Variants in DRAM1 observed in about 807,000 individuals in gnomAD.
DRAM1 encodes DNA damage-regulated autophagy modulator protein 1.
In DRAM1, 25 loss-of-function variants were observed where a neutral mutation model predicts 28.5. The observed-to-expected ratio is 0.88, with a 90% CI of 0.64 to 1.23. The LOEUF is 1.23. Among genes scored for constraint, DRAM1 ranks in the 50% most tolerant of loss-of-function variants. DRAM1 has a pLI of 0.00. For synonymous variants in DRAM1, 113 were observed against 114.2 expected, an observed-to-expected ratio of 0.99 and a Z score of 0.07; for missense variants, 249 against 299.2, an observed-to-expected ratio of 0.83 and a Z score of 1.24.
intron 1 of DRAM1, among the ~76,000 whole-genome samples, chr12:101,884,866 A>C (rs1343418255): frequency 6.6e-6 from 1 of 152,268 alleles, no homozygotes; most frequent in Non-Finnish European, 1.5e-5. Flanking sequence ...TTTATGTAAC[A>C]ATCACAAATT....
chr12:101,908,257 C>G lies in DRAM1; in HGVS notation c.414C>G (p.Leu138=). 1.9e-6 allele frequency: 3 copies of G among 1,614,136 alleles called. No individual in the cohort carries two copies. Among genetic ancestry groups the G allele is most frequent in the Non-Finnish European group, 2.5e-6 (3 of 1,180,018 alleles). The part of the protein sequence containing the change: ...LAFVCGVVYT[L]LQSIISYKSC... ...TTGTCTGTGGTGTCGTGTACACGCT[C>G]CTACAGTCCATCATCTCTTACAAAT... The change falls in exon 4 of 7, where the codon CTC becomes CTG. Residue 138 remains leucine, a synonymous_variant. Transcript: ENST00000258534.
chr12:101,892,656 C>T (rs1482346578), intron 1 of DRAM1, among the ~76,000 whole-genome samples: 3 of 152,108 alleles, frequency 2.0e-5, no homozygotes, highest in Non-Finnish European at 2.9e-5. Context: ...TTTTCATGAA[C>T]TATTCTTGAG....
chr12:101,877,869 AC>A lies in DRAM1; in HGVS notation c.81del (p.Tyr27Ter). ...TWSSAAFIISYVVAVLSGHVN... is the reference protein window; with the variant it reads ...TWSSAAFIISXVVAVLSGHVN... The stretch of plus-strand genomic sequence containing the variant: ...TCGTCAGCCGCCTTCATTATCTCCT[AC>A]GTGGTCGCCGTGCTCTCCGGGCACG... On this transcript the variant is annotated frameshift_variant, in exon 1 of 7. Transcript: ENST00000258534. LOFTEE classifies it high-confidence loss of function. This position sits in a 1 kb window ranked among gnomAD's most constrained non-coding sequence, Gnocchi z 4.1. 1 of 1,545,194 alleles carries A rather than the reference AC, an allele frequency of 6.5e-7. No individual in the cohort carries two copies. The highest frequency in any genetic ancestry group is 8.7e-7 in the Non-Finnish European group (1 of 1,143,586).
At chr12:101,880,450 C>A (rs1048459656) in intron 1 of DRAM1, among the ~76,000 whole-genome samples, 4 of 151,948 alleles carry the variant, frequency 2.6e-5, no homozygotes, top group African/African-American at 9.7e-5. Context: ...CCACGCCCAG[C>A]TAATATTTTT....
rs745712996 is a variant in DRAM1 at position 101,877,906 on chromosome 12, C to A, written c.117C>A (p.Phe39Leu). Residue 39 changes from phenylalanine to leucine, a missense_variant, in exon 1 of 7, where the codon TTC becomes TTA. This residue lies in a region of DRAM1 where 218 missense variants were observed against 243.1 expected (regional missense o/e 0.90). Coordinates refer to ENST00000258534, the MANE Select transcript of DRAM1 (RefSeq NM_018370.3). The surrounding 1 kb of genome is among the most constrained non-coding windows in gnomAD (Gnocchi z 4.1). ...TGCTCTCCGGGCACGTCAACCCCTT[C>A]CTCCCGTATATCAGGTGAGTGGCAG... ...VAVLSGHVNP[F>L]LPYISDTGTT... is the part of the protein sequence containing the mutation. 9.1e-6 allele frequency: 14 copies of A among 1,537,844 alleles called. No individual in the cohort carries two copies. In the African/African-American group the frequency reaches 1.5e-4, roughly 17 times the overall value.
chr12:101,897,277 A>T (rs1181391058), intron 1 of DRAM1, among the ~76,000 whole-genome samples: 1 of 151,142 alleles, frequency 6.6e-6, no homozygotes, highest in African/African-American at 2.4e-5. Context: ...TCGGCTCACC[A>T]TAACCTCCGC....
intron 5 of DRAM1, among the ~76,000 whole-genome samples, chr12:101,918,466 C>T (rs1874341374): frequency 6.6e-6 from 1 of 152,208 alleles, no homozygotes; most frequent in South Asian, 2.1e-4. Flanking sequence ...CTACTGTAGG[C>T]TGGTCAGGTC....
intron 1 of DRAM1, among the ~76,000 whole-genome samples, chr12:101,889,170 A>G (rs1873002028): frequency 6.6e-6 from 1 of 152,182 alleles, no homozygotes; most frequent in South Asian, 2.1e-4. Context: ...CATTCCATCA[A>G]GAACATGCAT....
At chr12:101,905,596 A>C (rs545784622) in intron 3 of DRAM1, among the ~76,000 whole-genome samples, 1 of 150,310 alleles carries the variant, frequency 6.7e-6, no homozygotes, top group African/African-American at 2.4e-5. Context: ...ATTTATTTTT[A>C]TTTTATTTTT....
At chr12:101,899,149 T>A (rs1490622247) in intron 2 of DRAM1, among the ~76,000 whole-genome samples, 2 of 152,166 alleles carry the variant, frequency 1.3e-5, no homozygotes, top group Non-Finnish European at 2.9e-5. Flanking sequence ...TCATCCTACT[T>A]GGTAGCAGGA....
At chr12:101,909,079 T>G (rs1873938281) in intron 4 of DRAM1, among the ~76,000 whole-genome samples, 1 of 151,874 alleles carries the variant, frequency 6.6e-6, no homozygotes, top group Admixed American at 6.6e-5. Flanking sequence ...CTGACCAACA[T>G]GGAGAAACCC....
At chr12:101,907,628 A>G (rs979038113) in intron 3 of DRAM1, among the ~76,000 whole-genome samples, 22 of 152,132 alleles carry the variant, frequency 1.4e-4, no homozygotes, top group African/African-American at 5.3e-4. Flanking sequence ...AATCCCAACT[A>G]CTTGGGAAGC....
intron 1 of DRAM1, among the ~76,000 whole-genome samples, chr12:101,887,538 C>CT (rs1491560007): frequency 1.6e-4 from 24 of 148,994 alleles, no homozygotes; most frequent in African/African-American, 4.7e-4. Flanking sequence ...TTTTCTTTTT[C>CT]TTTTTTTTTT....
chr12:101,908,382 G>A lies in DRAM1; in HGVS notation c.520+19G>A, dbSNP rs1192996140. The A allele has an allele frequency of 1.3e-6, 2 of 1,596,804 alleles. No homozygotes were observed. Among genetic ancestry groups the A allele is most frequent in the Admixed American group, 1.8e-5 (1 of 56,530 alleles). On this transcript the variant is annotated intron_variant, in intron 4 of 6. Coordinates refer to ENST00000258534, the MANE Select transcript of DRAM1 (RefSeq NM_018370.3). The stretch of plus-strand genomic sequence containing the variant: ...ATCCCCAGTATCCTTTTTCACATTT[G>A]TGCCTTGTTAAAGGAATAAAACATT...
At chr12:101,886,408 C>A (rs762387485) in intron 1 of DRAM1, among the ~76,000 whole-genome samples, 3 of 152,156 alleles carry the variant, frequency 2.0e-5, no homozygotes, top group Non-Finnish European at 4.4e-5. Flanking sequence ...CTCATTAACA[C>A]CCTGGTGGAG....
rs1486941090 is a variant in DRAM1 at position 101,877,900 on chromosome 12, C to T, written c.111C>T (p.Asn37=). The T allele has an allele frequency of 6.5e-7, 1 of 1,538,488 alleles. No individual in the cohort carries two copies. The highest frequency in any genetic ancestry group is 1.2e-5 in the South Asian group (1 of 82,596). Residue 37 remains asparagine, a synonymous_variant, in exon 1 of 7, where the codon AAC becomes AAT. Coordinates refer to ENST00000258534, the MANE Select transcript of DRAM1 (RefSeq NM_018370.3). This position sits in a 1 kb window ranked among gnomAD's most constrained non-coding sequence, Gnocchi z 4.1. ...TCGCCGTGCTCTCCGGGCACGTCAA[C>T]CCCTTCCTCCCGTATATCAGGTGAG... The part of the protein sequence containing the change: ...YVVAVLSGHV[N]PFLPYISDTG...
At position 101,883,022 on chromosome 12, in the gene DRAM1, G is replaced by A. The variant is rs370138524; in HGVS notation, c.131+5102G>A. Among the ~76,000 whole-genome samples the A allele has an allele frequency of 5.8e-4, 88 of 151,030 alleles. 1 individual carries two copies. Among genetic ancestry groups the A allele is most frequent in the African/African-American group, 2.0e-3 (83 of 41,462 alleles). On this transcript the variant is annotated intron_variant, in intron 1 of 6. Transcript: ENST00000258534. ...TTATTAAAGGATACTTCAAGTGAAA[G>A]CTCTCTGTACCTAGCAGATTTTTAC...
At chr12:101,901,141 G>C in intron 2 of DRAM1, 150 bp from the exon 3 acceptor site, 1 of 668,606 alleles carries the variant, frequency 1.5e-6, no homozygotes, top group Non-Finnish European at 2.5e-6. Context: ...ATGCTGGGGA[G>C]AGAGTAAGAT....
intron 3 of DRAM1, among the ~76,000 whole-genome samples, chr12:101,905,597 T>A (rs2121115921): frequency 6.6e-6 from 1 of 151,534 alleles, no homozygotes; most frequent in Middle Eastern, 3.4e-3. Flanking sequence ...TTTATTTTTA[T>A]TTTATTTTTT....
Sources: gnomAD v4.1 joint callset for allele counts (sites outside exome capture counted in the v4.1 genomes callset) on GRCh38, gnomAD v4.1.1 for gene constraint, gnomAD v4.1.1 regional missense constraint, Gnocchi (gnomAD v3.1) non-coding constraint, MANE v1.5 for transcripts, NCBI Gene and HGNC (gene_info 2026-07-23, HGNC 2026-07-21) for gene names.